Variants in MAP7 observed in about 807,000 individuals in gnomAD.
MAP7 encodes the protein ensconsin.
In MAP7, 52 loss-of-function variants were observed where a neutral mutation model predicts 94.8. The observed-to-expected ratio is 0.55, with a 90% confidence interval of 0.44 to 0.69. MAP7 has a LOEUF of 0.69. MAP7 is among the 30% of genes least tolerant of loss of function. MAP7 has a pLI of 0.00. For synonymous variants in MAP7, 350 were observed against 357.0 expected (o/e 0.98, Z 0.22); for missense variants, 940 against 964.6 (o/e 0.97, Z 0.34).
chr6:136,352,207 T>TTTA (rs1554228249), intron 16 of MAP7, among the ~76,000 whole-genome samples: 2 of 150,608 alleles, frequency 1.3e-5, no homozygotes, highest in East Asian at 3.9e-4. Context: ...TTTTTTTTTT[T>TTTA]AACAGGGTCC....
intron 2 of MAP7, among the ~76,000 whole-genome samples, chr6:136,417,884 A>G (rs569205491): frequency 6.6e-6 from 1 of 152,328 alleles, no homozygotes; most frequent in African/African-American, 2.4e-5. Context: ...GCTCTTTTAA[A>G]GACTTGTGTT....
chr6:136,514,580 C>CAA lies in MAP7; in HGVS notation c.67+35760_67+35761dup, dbSNP rs1046225937. ...TGGGTGACAGAGCAAGACTCTGTCTCAAAAAAAAAAAAAAAAAAAAAAAAA... is the reference window on the plus strand; with the variant it reads ...TGGGTGACAGAGCAAGACTCTGTCTCAAAAAAAAAAAAAAAAAAAAAAAAAAA... On this transcript the variant is annotated intron_variant, in intron 1 of 17. Transcript: ENST00000354570. 4.5e-3 allele frequency among the ~76,000 whole-genome samples: 223 copies of CAA among 49,012 alleles called. 15 individuals carry two copies. Among genetic ancestry groups the CAA allele is most frequent in the Non-Finnish European group, 8.2e-3 (188 of 23,030 alleles). The allele number at this position is 49,012 out of a possible 152,430, so 32.2% of individuals were successfully genotyped here.
intron 1 of MAP7, among the ~76,000 whole-genome samples, chr6:136,516,022 A>G (rs1824707922): frequency 6.6e-6 from 1 of 150,718 alleles, no homozygotes; most frequent in South Asian, 2.2e-4. Flanking sequence ...AGACATATTC[A>G]TTGCTTTCTG....
chr6:136,434,795 A>G (rs1379500021), intron 1 of MAP7, among the ~76,000 whole-genome samples: 1 of 152,224 alleles, frequency 6.6e-6, no homozygotes, highest in Non-Finnish European at 1.5e-5. Context: ...CCAACTCTCA[A>G]AGGCACAAAG....
chr6:136,436,197 A>T (rs1796333774), intron 1 of MAP7, among the ~76,000 whole-genome samples: 3 of 152,204 alleles, frequency 2.0e-5, no homozygotes, highest in South Asian at 2.1e-4. Context: ...TTAGATTTTT[A>T]AAATGTCTTA....
At chr6:136,509,035 T>C (rs907269442) in intron 1 of MAP7, among the ~76,000 whole-genome samples, 2 of 152,230 alleles carry the variant, frequency 1.3e-5, no homozygotes, top group African/African-American at 4.8e-5. Context: ...AGTAAAAAGA[T>C]ATAGACCAGT....
chr6:136,362,664 C>A lies in MAP7; in HGVS notation c.1312G>T (p.Ala438Ser), dbSNP rs1420558740. 3.1e-6 allele frequency: 5 copies of A among 1,607,912 alleles called. No homozygotes were observed. Among genetic ancestry groups the A allele is most frequent in the Admixed American group, 3.4e-5 (2 of 59,464 alleles). Reference sequence around the variant, plus strand: ...GCTGGAGCTGGGGCCGAGGCTGGAGCTGGGGCCGAGGCTGGAGCTGGGGCC... The same window carrying A: ...GCTGGAGCTGGGGCCGAGGCTGGAGATGGGGCCGAGGCTGGAGCTGGGGCC... ...AMAPAPASAP[A>S]PASAPAPAPV... The change falls in exon 11 of 18, where the codon GCT (alanine) becomes TCT (serine). Residue 438 changes from alanine to serine, a missense_variant. Coordinates refer to ENST00000354570, the MANE Select transcript of MAP7 (RefSeq NM_003980.6).
At chr6:136,433,948 A>G (rs140295126) in intron 1 of MAP7, among the ~76,000 whole-genome samples, 1,788 of 152,284 alleles carry the variant, frequency 0.012, 20 homozygotes, top group South Asian at 0.021. Flanking sequence ...AAAACTGGTG[A>G]AGGTGCTGAT....
At chr6:136,517,570 C>G (rs751270301) in intron 1 of MAP7, among the ~76,000 whole-genome samples, 3 of 152,186 alleles carry the variant, frequency 2.0e-5, no homozygotes, top group Non-Finnish European at 2.9e-5. Flanking sequence ...CCCGCCAGCA[C>G]CTGTGAGCAT....
intron 1 of MAP7, among the ~76,000 whole-genome samples, chr6:136,528,656 G>A (rs1828226780): frequency 6.6e-6 from 1 of 152,202 alleles, no homozygotes; most frequent in South Asian, 2.1e-4. Context: ...ATTTAGAAAT[G>A]TTTGTCACCC....
chr6:136,504,734 G>T (rs1315103706), intron 1 of MAP7, among the ~76,000 whole-genome samples: 1 of 152,174 alleles, frequency 6.6e-6, no homozygotes, highest in African/African-American at 2.4e-5. Flanking sequence ...AAGCTGGAGT[G>T]CAGTGGCACA....
intron 1 of MAP7, among the ~76,000 whole-genome samples, chr6:136,506,671 T>G (rs1353621914): frequency 2.6e-5 from 4 of 152,194 alleles, no homozygotes; most frequent in Non-Finnish European, 5.9e-5. Flanking sequence ...GAACACTGGA[T>G]AAATTCCTTT....
chr6:136,446,737 AC>A (rs746134238), intron 1 of MAP7, among the ~76,000 whole-genome samples: 1 of 152,218 alleles, frequency 6.6e-6, no homozygotes. Flanking sequence ...GAAAATGGGA[AC>A]AAAGAACAAA....
intron 11 of MAP7, 90 bp from the exon 12 acceptor site, chr6:136,361,269 T>A: frequency 7.4e-7 from 1 of 1,360,280 alleles, no homozygotes; most frequent in Non-Finnish European, 1.0e-6. Flanking sequence ...GTAGGGCGGT[T>A]CCTTTAGGCG....
In MAP7 at chr6:136,389,348, G is replaced by A; in HGVS notation, c.408+6C>T. On this transcript the variant is annotated splice_donor_region_variant and intron_variant, in intron 4 of 17. Transcript: ENST00000354570. The stretch of plus-strand genomic sequence containing the variant: ...CCACTCATATTCTTCCCGGGGGGCG[G>A]CTCACTTTGTCCTCCTCAAGTCTCT... The A allele has an allele frequency of 1.3e-6, 2 of 1,519,388 alleles. No homozygotes were observed. Among genetic ancestry groups the A allele is most frequent in the African/African-American group, 1.4e-5 (1 of 70,728 alleles). The allele number at this position is 1,519,388 out of a possible 1,614,324, so 94.1% of individuals were successfully genotyped here.
At chr6:136,387,091 C>T (rs1287918689) in intron 5 of MAP7, among the ~76,000 whole-genome samples, 1 of 152,146 alleles carries the variant, frequency 6.6e-6, no homozygotes, top group Non-Finnish European at 1.5e-5. Context: ...GGATTACAGG[C>T]GTGAGGTACT....
intron 1 of MAP7, among the ~76,000 whole-genome samples, chr6:136,437,554 A>G (rs1378018513): frequency 6.6e-6 from 1 of 152,156 alleles, no homozygotes; most frequent in Non-Finnish European, 1.5e-5. Context: ...TATTGATCTG[A>G]TTTACTTCAA....
chr6:136,504,936 T>C (rs1347330890), intron 1 of MAP7, among the ~76,000 whole-genome samples: 1 of 152,206 alleles, frequency 6.6e-6, no homozygotes, highest in Non-Finnish European at 1.5e-5. Flanking sequence ...CACCTTGGCT[T>C]CCCAAAGTGC....
chr6:136,449,725 AG>A (rs1019665805), intron 1 of MAP7, among the ~76,000 whole-genome samples: 2 of 152,240 alleles, frequency 1.3e-5, no homozygotes, highest in African/African-American at 4.8e-5. Flanking sequence ...CTTAATTTAA[AG>A]GGGGGCAGAA....
Sources: gnomAD v4.1 joint callset for allele counts (sites outside exome capture counted in the v4.1 genomes callset) on GRCh38, gnomAD v4.1.1 for gene constraint, MANE v1.5 for transcripts, NCBI Gene and HGNC (gene_info 2026-07-23, HGNC 2026-07-21) for gene names.